The following GPATCH2L variants were observed in gnomAD, a reference collection of about 807,000 sequenced individuals.
The protein encoded by GPATCH2L is G patch domain-containing protein 2-like.
A neutral mutation model predicts 57.4 loss-of-function variants in GPATCH2L; 31 were observed. The observed-to-expected ratio is 0.54, with a 90% CI of 0.41 to 0.73. The LOEUF (loss-of-function observed/expected upper bound fraction) is 0.73, where lower values mean the gene tolerates loss of function less well. GPATCH2L is among the 30% of genes least tolerant of loss of function. The probability of loss-of-function intolerance (pLI) is 0.00; values close to 1 mark genes in which losing one functional copy is unlikely to be tolerated. For missense variants in GPATCH2L, 481 were observed against 599.9 expected, an observed-to-expected ratio of 0.80 and a Z score of 2.07; for synonymous variants, 199 against 210.7, an observed-to-expected ratio of 0.94 and a Z score of 0.48.
At chr14:76,177,751 C>T (rs1309828250) in intron 6 of GPATCH2L, 2 of 461,594 alleles carry the variant, frequency 4.3e-6, no homozygotes, top group Non-Finnish European at 7.7e-6. Flanking sequence ...ATCTCTTTCT[C>T]CTCCTCTGAT....
At chr14:76,160,958 A>G (rs2543384) in intron 2 of GPATCH2L, among the ~76,000 whole-genome samples, 116,812 of 152,176 alleles carry the variant, frequency 0.77, 45,849 homozygotes, top group South Asian at 0.88. Flanking sequence ...GAACCTGTCA[A>G]CCTGCGGAGG....
At chr14:76,153,403 T>C (rs2543380) in intron 1 of GPATCH2L, among the ~76,000 whole-genome samples, 99,257 of 152,196 alleles carry the variant, frequency 0.65, 33,426 homozygotes, top group South Asian at 0.78. Context: ...GAAATGTTTG[T>C]CTCTGAAGTG....
chr14:76,196,925 A>T (rs1298304234), intron 9 of GPATCH2L, among the ~76,000 whole-genome samples: 1 of 152,132 alleles, frequency 6.6e-6, no homozygotes, highest in Non-Finnish European at 1.5e-5. Flanking sequence ...ATGGTGGTTC[A>T]TACTGGACAA....
intron 7 of GPATCH2L, 159 bp downstream of exon 7, chr14:76,178,201 A>T: frequency 6.8e-7 from 1 of 1,463,502 alleles, no homozygotes; most frequent in Non-Finnish European, 9.3e-7. Context: ...TCCTGTTTTT[A>T]TTTTAGTTTT....
At chr14:76,166,947 C>G (rs1406218745) in intron 3 of GPATCH2L, among the ~76,000 whole-genome samples, 5 of 151,978 alleles carry the variant, frequency 3.3e-5, no homozygotes, top group Admixed American at 3.3e-4. Context: ...GCATTTTTCA[C>G]AAGCACCTGA....
chr14:76,205,645 T>G lies in GPATCH2L; in HGVS notation c.*3794T>G, dbSNP rs1376458504. On this transcript the variant is annotated 3_prime_UTR_variant, in exon 10 of 10. Transcript: ENST00000261530. ...TGTAGTTAGAGACACTGTAGCTGTA[T>G]CTGTATACCTGTAATATAGCCTGGG... 1 of 152,224 alleles carries G rather than the reference T, an allele frequency of 6.6e-6. No homozygotes were observed. The highest frequency in any genetic ancestry group is 1.9e-4 in the East Asian group (1 of 5,200). The allele number at this position is 152,224 out of a possible 1,614,324, so 9.4% of individuals were successfully genotyped here.
chr14:76,173,761 A>T, intron 5 of GPATCH2L, 136 bp downstream of exon 5: 1 of 643,532 alleles, frequency 1.6e-6, no homozygotes, highest in Non-Finnish European at 2.9e-6. Flanking sequence ...TTGGGAGTTT[A>T]CAAGAGTGAA....
intron 2 of GPATCH2L, among the ~76,000 whole-genome samples, chr14:76,158,577 C>G (rs887888378): frequency 8.5e-5 from 13 of 152,192 alleles, no homozygotes; most frequent in Non-Finnish European, 1.5e-4. Context: ...GGATCAATAG[C>G]ATTCATTATT....
rs966201356 is a variant in GPATCH2L at position 76,204,843 on chromosome 14, T to C, written c.*2992T>C. ...CCACGATGGGCAGAAGTCAGAACATTATCTGCTTCTGTGAGGATCATAATA... is the reference window on the plus strand; with the variant it reads ...CCACGATGGGCAGAAGTCAGAACATCATCTGCTTCTGTGAGGATCATAATA... On this transcript the variant is annotated 3_prime_UTR_variant, in exon 10 of 10. Coordinates refer to ENST00000261530, the MANE Select transcript of GPATCH2L (RefSeq NM_017926.4). 2.0e-5 allele frequency: 3 copies of C among 152,270 alleles called. No individual in the cohort carries two copies. The highest frequency in any genetic ancestry group is 2.9e-5 in the Non-Finnish European group (2 of 68,042). 9.4% of individuals were successfully genotyped at this position (152,270 alleles called of 1,614,324 possible).
intron 9 of GPATCH2L, among the ~76,000 whole-genome samples, chr14:76,197,495 T>C (rs6574278): frequency 0.79 from 119,581 of 152,052 alleles, 47,633 homozygotes; most frequent in South Asian, 0.88. Context: ...CCCAGCTCCT[T>C]TCCTCACTTG....
intron 2 of GPATCH2L, among the ~76,000 whole-genome samples, 182 bp downstream of exon 2, chr14:76,155,207 T>C (rs559255975): frequency 6.6e-6 from 1 of 152,328 alleles, no homozygotes; most frequent in South Asian, 2.1e-4. Context: ...TATTTCCCTC[T>C]GTCAGGAAGG....
Position 76,202,682 on chromosome 14 carries a change from TTAG to T in GPATCH2L, c.*834_*836del, listed in dbSNP as rs1335391944. 2 of 152,646 alleles carry T rather than the reference TTAG, an allele frequency of 1.3e-5. No individual in the cohort carries two copies. The highest frequency in any genetic ancestry group is 6.5e-5 in the Admixed American group (1 of 15,280). The allele number at this position is 152,646 out of a possible 1,614,324, so 9.5% of individuals were successfully genotyped here. A position where few individuals can be genotyped will look rare whatever the true frequency, so the allele number is the denominator to read the frequency against. On this transcript the variant is annotated 3_prime_UTR_variant, in exon 10 of 10. Coordinates refer to ENST00000261530, the MANE Select transcript of GPATCH2L (RefSeq NM_017926.4). ...TTATGTCCTAAGCAGGACTTTATTGTTAGTATTATAGGCTAATAACCTGCAGCA... is the reference window on the plus strand; with the variant it reads ...TTATGTCCTAAGCAGGACTTTATTGTTATTATAGGCTAATAACCTGCAGCA...
rs190472615 is a variant in GPATCH2L at position 76,190,756 on chromosome 14, G to C, written c.1194-5122G>C. 2.0e-3 allele frequency among the ~76,000 whole-genome samples: 299 copies of C among 152,198 alleles called. 1 individual carries two copies. Among genetic ancestry groups the C allele is most frequent in the Non-Finnish European group, 3.2e-3 (216 of 67,992 alleles). Reference sequence around the variant, plus strand: ...TTTCGAAGTAGGTAGGTGCTTATCAGAATTACCCAGGGAAAAATTTCAAAA... The same window carrying C: ...TTTCGAAGTAGGTAGGTGCTTATCACAATTACCCAGGGAAAAATTTCAAAA... On this transcript the variant is annotated intron_variant, in intron 8 of 9. Transcript: ENST00000261530.
At chr14:76,196,123 T>G in intron 9 of GPATCH2L, 151 bp downstream of exon 9, 2 of 731,004 alleles carry the variant, frequency 2.7e-6, no homozygotes, top group Non-Finnish European at 4.9e-6. Flanking sequence ...AAGAAATAAT[T>G]AGCCTAGTTC....
Position 76,190,924 on chromosome 14 carries a change from G to T in GPATCH2L, c.1194-4954G>T, listed in dbSNP as rs574795516. Among the ~76,000 whole-genome samples the T allele has an allele frequency of 4.2e-4, 64 of 152,250 alleles. 2 individuals carry two copies. In the South Asian group the frequency reaches 0.013, roughly 30 times the overall value. ...CAGTTGAGAATGAAGTTTTAACTTG[G>T]TGGAGACTTTAACTTATACTTAGCC... On this transcript the variant is annotated intron_variant, in intron 8 of 9. Coordinates refer to ENST00000261530, the MANE Select transcript of GPATCH2L (RefSeq NM_017926.4).
Position 76,166,705 on chromosome 14 carries a change from T to TA in GPATCH2L, c.706dup (p.Thr236AsnfsTer3). On this transcript the variant is annotated frameshift_variant, in exon 3 of 10. Coordinates refer to ENST00000261530, the MANE Select transcript of GPATCH2L (RefSeq NM_017926.4). LOFTEE classifies it high-confidence loss of function. The stretch of plus-strand genomic sequence containing the variant: ...GTAGCAGCAGTGACACTGGGCTCTT[T>TA]ACCAATGATGAAGGGCGACAAGGTA... The TA allele has an allele frequency of 6.2e-7, 1 of 1,610,474 alleles. No homozygotes were observed. The highest frequency in any genetic ancestry group is 8.5e-7 in the Non-Finnish European group (1 of 1,176,654).
intron 9 of GPATCH2L, 164 bp downstream of exon 9, chr14:76,196,136 G>C (rs1231395578): frequency 1.4e-6 from 1 of 717,488 alleles, no homozygotes; most frequent in Admixed American, 2.0e-5. Flanking sequence ...CCTAGTTCTT[G>C]CTGACTCTGA....
chr14:76,221,073 A>G (rs914000313), intron 1 of GPATCH2L, among the ~76,000 whole-genome samples: 5 of 151,958 alleles, frequency 3.3e-5, no homozygotes, highest in Non-Finnish European at 7.4e-5. Context: ...AAATGAGAAC[A>G]TAAGCCCCAG....
In GPATCH2L at chr14:76,226,289, CTG is replaced by C. The variant is rs994658756; in HGVS notation, c.66-3517_66-3516del. Among the ~76,000 whole-genome samples, 9 of 152,328 alleles carry C rather than the reference CTG, an allele frequency of 5.9e-5. No homozygotes were observed. In the East Asian group the frequency reaches 1.2e-3, roughly 20 times the overall value. ...CTGTACAGAAATGAGGATTAACAAA[CTG>C]TATGCAGCAACACGTATGAATCTCA... is the stretch of plus-strand genomic sequence containing the variant. On this transcript the variant is annotated intron_variant and NMD_transcript_variant, in intron 1 of 3. Coordinates refer to the GPATCH2L transcript ENST00000556372.
Sources: gnomAD v4.1 joint callset for allele counts (sites outside exome capture counted in the v4.1 genomes callset) on GRCh38, gnomAD v4.1.1 for gene constraint, MANE v1.5 for transcripts, NCBI Gene and HGNC (gene_info 2026-07-23, HGNC 2026-07-21) for gene names.